The following GPC5 variants were observed in gnomAD, a reference collection of about 807,000 sequenced individuals.
GPC5 encodes glypican 5, also known as glypican-5.
GPC5 carries 47 observed loss-of-function variants against 53.9 expected under a neutral mutation model. The ratio of observed to expected loss-of-function variants is 0.87; its 90% CI spans 0.69 to 1.11. The LOEUF is 1.11. GPC5 is among the 50% of genes most tolerant of loss of function. GPC5 has a pLI of 0.00. For missense variants in GPC5, 748 were observed against 713.1 expected (o/e 1.05, Z -0.56); for synonymous variants, 286 against 263.3 (o/e 1.09, Z -0.84).
intron 7 of GPC5, among the ~76,000 whole-genome samples, chr13:92,392,991 C>T (rs950924837): frequency 4.6e-5 from 7 of 152,170 alleles, no homozygotes; most frequent in South Asian, 2.1e-4. Flanking sequence ...AGCAGGTTGA[C>T]GATTCCTCAA....
At chr13:92,780,682 A>T (rs1594502436) in intron 7 of GPC5, among the ~76,000 whole-genome samples, 2 of 151,666 alleles carry the variant, frequency 1.3e-5, no homozygotes, top group South Asian at 2.1e-4. Context: ...TGCAGAAAAC[A>T]TTTTTTTTAG....
At chr13:92,163,760 T>A (rs926747119) in intron 7 of GPC5, among the ~76,000 whole-genome samples, 1 of 151,322 alleles carries the variant, frequency 6.6e-6, no homozygotes, top group African/African-American at 2.5e-5. Context: ...AGTTTGTTGA[T>A]CATAAAATGC....
At chr13:91,917,908 T>A (rs1236191319) in intron 6 of GPC5, among the ~76,000 whole-genome samples, 1 of 152,186 alleles carries the variant, frequency 6.6e-6, no homozygotes, top group African/African-American at 2.4e-5. Context: ...CAACCTCTGT[T>A]TCCCAGTTCC....
At chr13:92,745,365 A>G (rs957225048) in intron 7 of GPC5, among the ~76,000 whole-genome samples, 5 of 152,128 alleles carry the variant, frequency 3.3e-5, no homozygotes, top group African/African-American at 9.6e-5. Flanking sequence ...ACTTTTGAAA[A>G]TGTTACATCA....
intron 6 of GPC5, among the ~76,000 whole-genome samples, chr13:92,142,408 G>A (rs207474234): frequency 6.6e-6 from 1 of 152,080 alleles, no homozygotes; most frequent in African/African-American, 2.4e-5. Flanking sequence ...TCCTTAGCAC[G>A]AATAGTTAAA....
chr13:91,580,580 A>G (rs1236643630), intron 2 of GPC5, among the ~76,000 whole-genome samples: 1 of 152,104 alleles, frequency 6.6e-6, no homozygotes, highest in Non-Finnish European at 1.5e-5. Context: ...TTACATCATA[A>G]GCAGGTTTTT....
chr13:92,291,400 A>T (rs2042994559), intron 7 of GPC5, among the ~76,000 whole-genome samples: 2 of 152,142 alleles, frequency 1.3e-5, no homozygotes, highest in African/African-American at 4.8e-5. Flanking sequence ...AGATTTGTAA[A>T]CACACCAATC....
intron 7 of GPC5, among the ~76,000 whole-genome samples, chr13:92,709,205 C>T (rs1888052595): frequency 6.6e-6 from 1 of 151,328 alleles, no homozygotes; most frequent in Non-Finnish European, 1.5e-5. Flanking sequence ...CGCAACCACG[C>T]CCAGCTAATT....
chr13:92,072,572 T>TTTG (rs2041221681), intron 6 of GPC5, among the ~76,000 whole-genome samples: 1 of 35,228 alleles, frequency 2.8e-5, no homozygotes, highest in Non-Finnish European at 5.8e-5. Flanking sequence ...CCACTAAATT[T>TTTG]TTTTTTTTTT....
At position 92,523,037 on chromosome 13, in the gene GPC5, C is replaced by T. The variant is rs145528264; in HGVS notation, c.1562-343245C>T. Among the ~76,000 whole-genome samples, 1,345 of 152,126 alleles carry T rather than the reference C, an allele frequency of 8.8e-3. 19 individuals are homozygous for T. The highest frequency in any genetic ancestry group is 0.031 in the African/African-American group (1,284 of 41,522). On this transcript the variant is annotated intron_variant, in intron 7 of 7. Transcript: ENST00000377067. Reference sequence around the variant, plus strand: ...TACAACATTCGTTGGAAAATGATTACGACAATAATTTGTGGCAGAAAATGC... The same window carrying T: ...TACAACATTCGTTGGAAAATGATTATGACAATAATTTGTGGCAGAAAATGC...
chr13:92,716,572 C>A (rs567281344), intron 7 of GPC5, among the ~76,000 whole-genome samples: 1 of 152,194 alleles, frequency 6.6e-6, no homozygotes, highest in South Asian at 2.1e-4. Flanking sequence ...CAGATCTCAG[C>A]ATAGCTCTAT....
At chr13:91,930,125 C>T (rs1395338834) in intron 6 of GPC5, among the ~76,000 whole-genome samples, 1 of 151,970 alleles carries the variant, frequency 6.6e-6, no homozygotes, top group Non-Finnish European at 1.5e-5. Context: ...TTTCAAGATG[C>T]CCATCATAGG....
intron 7 of GPC5, among the ~76,000 whole-genome samples, chr13:92,323,989 T>C (rs1008502251): frequency 1.6e-4 from 24 of 151,978 alleles, no homozygotes; most frequent in African/African-American, 5.5e-4. Flanking sequence ...GTGTGTTCTA[T>C]GTTGTTTTGA....
At chr13:91,658,761 T>C (rs2034911221) in intron 2 of GPC5, among the ~76,000 whole-genome samples, 2 of 152,156 alleles carry the variant, frequency 1.3e-5, no homozygotes. Flanking sequence ...TCATCCCTCA[T>C]ATGTACTGTG....
At chr13:91,946,865 C>T (rs551477202) in intron 6 of GPC5, among the ~76,000 whole-genome samples, 1 of 152,262 alleles carries the variant, frequency 6.6e-6, no homozygotes, top group East Asian at 1.9e-4. Context: ...TTGCAATTAA[C>T]TCGACTTGTT....
intron 7 of GPC5, among the ~76,000 whole-genome samples, chr13:92,297,557 T>A (rs1249108839): frequency 6.6e-6 from 1 of 152,058 alleles, no homozygotes; most frequent in Non-Finnish European, 1.5e-5. Context: ...CAATCGACAC[T>A]CTGTATCTAG....
chr13:92,552,137 G>A (rs1395985980), intron 7 of GPC5, among the ~76,000 whole-genome samples: 1 of 151,770 alleles, frequency 6.6e-6, no homozygotes, highest in Non-Finnish European at 1.5e-5. Flanking sequence ...AAACCATCGT[G>A]GAAATACTAA....
intron 7 of GPC5, among the ~76,000 whole-genome samples, chr13:92,157,462 G>A (rs2041953197): frequency 6.6e-6 from 1 of 152,194 alleles, no homozygotes; most frequent in African/African-American, 2.4e-5. Flanking sequence ...GAGACTGGGA[G>A]ATAGGGGTTC....
chr13:91,680,461 C>G (rs1002596176), intron 2 of GPC5, among the ~76,000 whole-genome samples: 1 of 151,916 alleles, frequency 6.6e-6, no homozygotes, highest in African/African-American at 2.4e-5. Context: ...AACAAACAAA[C>G]AAACAAAAAA....
Sources: gnomAD v4.1 joint callset for allele counts (sites outside exome capture counted in the v4.1 genomes callset) on GRCh38, gnomAD v4.1.1 for gene constraint, MANE v1.5 for transcripts, NCBI Gene and HGNC (gene_info 2026-07-23, HGNC 2026-07-21) for gene names.